The following BLTP3A variants were observed in gnomAD, a reference collection of about 807,000 sequenced individuals.
The protein encoded by BLTP3A is bridge-like lipid transfer protein family member 3A.
the BLTP3A span, chr6:34,857,566 GT>G: frequency 2.0e-6 from 3 of 1,523,064 alleles, no homozygotes; most frequent in Non-Finnish European, 2.7e-6. Flanking sequence ...GTTGTTAGGA[GT>G]TTTCAGTGTT....
At chr6:34,815,359 C>T in the BLTP3A span, among the ~76,000 whole-genome samples, 608 of 152,080 alleles carry the variant, frequency 4.0e-3, 16 homozygotes, top group East Asian at 0.034. Context: ...AAGTGATTCT[C>T]CTGCCTCAGC....
the BLTP3A span, among the ~76,000 whole-genome samples, chr6:34,833,854 A>G: frequency 0.44 from 65,077 of 146,752 alleles, 15,925 homozygotes; most frequent in African/African-American, 0.67. Context: ...CCTGGGAGGT[A>G]GAGATTGCAG....
At chr6:34,831,959 T>A in the BLTP3A span, among the ~76,000 whole-genome samples, 2 of 150,604 alleles carry the variant, frequency 1.3e-5, no homozygotes, top group African/African-American at 4.9e-5. Context: ...GGACTACAGG[T>A]GTGCACCACC....
the BLTP3A span, among the ~76,000 whole-genome samples, chr6:34,795,544 C>T: frequency 2.0e-5 from 3 of 150,388 alleles, no homozygotes; most frequent in African/African-American, 4.9e-5. Flanking sequence ...ACTACAGGCG[C>T]GTGCCACCAC....
At chr6:34,810,271 C>G in the BLTP3A span, among the ~76,000 whole-genome samples, 2 of 152,144 alleles carry the variant, frequency 1.3e-5, no homozygotes, top group Admixed American at 1.3e-4. Context: ...CACTAAGCAT[C>G]ATGAATAGTA....
At chr6:34,837,034 A>T in the BLTP3A span, among the ~76,000 whole-genome samples, 1 of 152,230 alleles carries the variant, frequency 6.6e-6, no homozygotes, top group Non-Finnish European at 1.5e-5. Flanking sequence ...GTCAGGCTCA[A>T]ATGAGCCAAT....
chr6:34,848,626 A>G, the BLTP3A span, among the ~76,000 whole-genome samples: 2 of 151,228 alleles, frequency 1.3e-5, no homozygotes, highest in Non-Finnish European at 2.9e-5. Flanking sequence ...AAAAATACAT[A>G]GCTATTCCGT....
the BLTP3A span, among the ~76,000 whole-genome samples, chr6:34,805,999 A>G: frequency 2.0e-5 from 3 of 151,902 alleles, no homozygotes; most frequent in South Asian, 6.2e-4. Context: ...TTCTACCTCA[A>G]CCTCACAAAG....
At chr6:34,841,655 A>G in the BLTP3A span, among the ~76,000 whole-genome samples, 1 of 152,182 alleles carries the variant, frequency 6.6e-6, no homozygotes, top group Non-Finnish European at 1.5e-5. Context: ...GCTGACTAAC[A>G]TGCTCACCTA....
the BLTP3A span, among the ~76,000 whole-genome samples, chr6:34,795,151 A>G: frequency 1.1e-4 from 16 of 150,578 alleles, no homozygotes; most frequent in Non-Finnish European, 2.1e-4. Flanking sequence ...TGGCGCGATC[A>G]TGGCACTCTA....
the BLTP3A span, chr6:34,857,565 A>T: frequency 6.5e-7 from 1 of 1,528,588 alleles, no homozygotes; most frequent in Non-Finnish European, 8.8e-7. Context: ...TGTTGTTAGG[A>T]GTTTTCAGTG....
At chr6:34,809,057 G>A in the BLTP3A span, among the ~76,000 whole-genome samples, 1 of 152,114 alleles carries the variant, frequency 6.6e-6, no homozygotes, top group African/African-American at 2.4e-5. Context: ...AATTCAGTAT[G>A]ACCTTGATAA....
the BLTP3A span, among the ~76,000 whole-genome samples, chr6:34,833,883 C>G: frequency 7.3e-6 from 1 of 137,332 alleles, no homozygotes; most frequent in East Asian, 2.2e-4. Context: ...GATCGCGCCA[C>G]TGCACTCCAG....
chr6:34,836,094 G>T, the BLTP3A span: 1 of 1,552,120 alleles, frequency 6.4e-7, no homozygotes. Context: ...AAAGCTTAAA[G>T]AAAGCCTACA....
the BLTP3A span, among the ~76,000 whole-genome samples, chr6:34,861,210 C>T: frequency 6.6e-6 from 1 of 152,002 alleles, no homozygotes. Flanking sequence ...ACTGCAGCCT[C>T]GACCTCCCAG....
chr6:34,856,315 G>A, the BLTP3A span: 2 of 1,614,168 alleles, frequency 1.2e-6, no homozygotes, highest in Non-Finnish European at 1.7e-6. Flanking sequence ...AGCTGGTGAT[G>A]GAATTTCAGA....
chr6:34,847,288 T>G, the BLTP3A span, among the ~76,000 whole-genome samples: 21 of 152,220 alleles, frequency 1.4e-4, no homozygotes, highest in Admixed American at 1.3e-3. Flanking sequence ...TGATGTGTCT[T>G]TGTCTGATTT....
chr6:34,847,921 C>CTTTCTTTTTTTTTTTTT, the BLTP3A span, among the ~76,000 whole-genome samples: 482 of 91,074 alleles, frequency 5.3e-3, 50 homozygotes, highest in Middle Eastern at 8.1e-3. Flanking sequence ...TCTTTTTTTC[C>CTTTCTTTTTTTTTTTTT]TTTTTTTTTT....
chr6:34,853,493 C>G, the BLTP3A span, among the ~76,000 whole-genome samples: 2 of 152,004 alleles, frequency 1.3e-5, no homozygotes, highest in South Asian at 4.2e-4. Context: ...GGTGTTCTTG[C>G]TAGGGGAATA....
Sources: allele counts gnomAD v4.1 joint callset (sites outside exome capture counted in the v4.1 genomes callset), GRCh38; gene constraint gnomAD v4.1.1; transcripts MANE v1.5; gene names NCBI Gene and HGNC (gene_info 2026-07-23, HGNC 2026-07-21).